Variants in TENM2 observed in about 807,000 individuals in gnomAD.
TENM2 encodes teneurin transmembrane protein 2, also known as teneurin-2.
TENM2 carries 52 observed loss-of-function variants against 245.2 expected under a neutral mutation model. That is an observed-to-expected ratio of 0.21 (90% CI 0.17 to 0.27). The LOEUF (loss-of-function observed/expected upper bound fraction) is 0.27, where lower values mean the gene tolerates loss of function less well. Among genes scored for constraint, TENM2 ranks in the 10% least tolerant of loss-of-function variants. TENM2 has a pLI of 1.00. For synonymous variants in TENM2, 1,363 were observed against 1,438.9 expected, an observed-to-expected ratio of 0.95 and a Z score of 1.19; for missense variants, 3,046 against 3,666.8, an observed-to-expected ratio of 0.83 and a Z score of 4.37.
chr5:167,703,294 G>A (rs964379219), intron 2 of TENM2, among the ~76,000 whole-genome samples: 3 of 152,114 alleles, frequency 2.0e-5, no homozygotes, highest in Admixed American at 1.3e-4. Context: ...AACTTTGGGA[G>A]GTGGAGGTGG....
At chr5:168,146,567 T>A (rs1756102027) in intron 12 of TENM2, among the ~76,000 whole-genome samples, 1 of 152,200 alleles carries the variant, frequency 6.6e-6, no homozygotes, top group Admixed American at 6.5e-5. Context: ...TGGTGCATGT[T>A]TTTAATTTAC....
At chr5:167,519,056 C>A (rs1031175428) in intron 2 of TENM2, among the ~76,000 whole-genome samples, 4 of 152,146 alleles carry the variant, frequency 2.6e-5, no homozygotes, top group Non-Finnish European at 5.9e-5. Context: ...ATCCTTTCCT[C>A]TTTTAGTGCA....
At chr5:167,449,638 G>C (rs1244531577) in intron 2 of TENM2, among the ~76,000 whole-genome samples, 1 of 152,086 alleles carries the variant, frequency 6.6e-6, no homozygotes, top group Non-Finnish European at 1.5e-5. Flanking sequence ...TGTATACTGA[G>C]TGAAAACAGA....
chr5:168,191,149 C>G (rs1317565931), intron 14 of TENM2, among the ~76,000 whole-genome samples: 1 of 152,202 alleles, frequency 6.6e-6, no homozygotes, highest in Non-Finnish European at 1.5e-5. Flanking sequence ...TCATTCTCTC[C>G]AGTTTATTAT....
chr5:167,720,909 C>G (rs1008173157), intron 2 of TENM2, among the ~76,000 whole-genome samples: 3 of 152,190 alleles, frequency 2.0e-5, no homozygotes, highest in African/African-American at 7.2e-5. Flanking sequence ...GGAATGAACT[C>G]TATGCAGAAG....
chr5:167,125,702 T>A, the TENM2 span, among the ~76,000 whole-genome samples: 59 of 152,174 alleles, frequency 3.9e-4, no homozygotes, highest in African/African-American at 1.3e-3. Context: ...ACTGTAATCG[T>A]CCGTATGCAG....
chr5:167,043,292 C>T, the TENM2 span, among the ~76,000 whole-genome samples: 1 of 151,996 alleles, frequency 6.6e-6, no homozygotes, highest in Non-Finnish European at 1.5e-5. Context: ...GGTAGACAGA[C>T]TTGTATAAAG....
chr5:167,828,805 C>A (rs1175628108), intron 2 of TENM2, among the ~76,000 whole-genome samples: 4 of 151,954 alleles, frequency 2.6e-5, no homozygotes, highest in African/African-American at 9.7e-5. Context: ...AAATCTGGGC[C>A]CTTTTACATA....
exon 27 of TENM2, chr5:168,248,277 A>T: frequency 6.2e-7 from 1 of 1,614,060 alleles, no homozygotes; most frequent in South Asian, 1.1e-5. Flanking sequence ...CCATGTGGAA[A>T]AACGTGGGCA....
At chr5:168,092,685 A>T (rs1247688157) in intron 8 of TENM2, among the ~76,000 whole-genome samples, 1 of 152,358 alleles carries the variant, frequency 6.6e-6, no homozygotes, top group African/African-American at 2.4e-5. Flanking sequence ...ATTTGGAACC[A>T]GCTTGAGATG....
intron 5 of TENM2, among the ~76,000 whole-genome samples, chr5:168,043,047 C>G (rs1317952234): frequency 2.0e-5 from 3 of 152,134 alleles, no homozygotes; most frequent in Non-Finnish European, 4.4e-5. Context: ...GAGGGCCTCC[C>G]AAACTCATTT....
chr5:167,250,507 A>G, the TENM2 span, among the ~76,000 whole-genome samples: 2 of 152,186 alleles, frequency 1.3e-5, no homozygotes, highest in Non-Finnish European at 2.9e-5. Flanking sequence ...AATGTAACAT[A>G]ACATATGTGA....
chr5:168,206,665 A>G (rs888325691), intron 19 of TENM2, among the ~76,000 whole-genome samples: 3 of 152,176 alleles, frequency 2.0e-5, no homozygotes, highest in African/African-American at 4.8e-5. Flanking sequence ...TTGCCCATCC[A>G]TATAGATTCC....
chr5:167,071,556 A>G, the TENM2 span, among the ~76,000 whole-genome samples: 37 of 152,330 alleles, frequency 2.4e-4, no homozygotes, highest in Admixed American at 7.8e-4. Flanking sequence ...TTAAAGACAC[A>G]TAATCTTGAT....
At chr5:167,128,553 T>TA in the TENM2 span, among the ~76,000 whole-genome samples, 992 of 132,048 alleles carry the variant, frequency 7.5e-3, 10 homozygotes, top group South Asian at 0.012. Flanking sequence ...AGACTTTCAT[T>TA]AAAAAAAAAA....
chr5:167,869,420 T>G (rs990176092), intron 2 of TENM2, among the ~76,000 whole-genome samples: 6 of 152,188 alleles, frequency 3.9e-5, no homozygotes, highest in African/African-American at 1.4e-4. Context: ...ATTCTTACCT[T>G]TGGGTATGTT....
intron 2 of TENM2, among the ~76,000 whole-genome samples, chr5:167,824,309 A>G (rs1317954001): frequency 6.6e-6 from 1 of 152,124 alleles, no homozygotes; most frequent in Non-Finnish European, 1.5e-5. Context: ...TCCTAGTGTC[A>G]TGTAGAAGAT....
chr5:167,374,040 A>G (rs1221458863), intron 1 of TENM2, among the ~76,000 whole-genome samples: 1 of 152,160 alleles, frequency 6.6e-6, no homozygotes, highest in Non-Finnish European at 1.5e-5. Context: ...GTGTTAGCAA[A>G]GAGAGATTCT....
chr5:167,507,563 G>C (rs957663859), intron 2 of TENM2, among the ~76,000 whole-genome samples: 2 of 152,092 alleles, frequency 1.3e-5, no homozygotes, highest in Non-Finnish European at 2.9e-5. Context: ...ATGAATGTAG[G>C]CTTCACATCA....
Sources: gnomAD v4.1 joint callset for allele counts (sites outside exome capture counted in the v4.1 genomes callset) on GRCh38, gnomAD v4.1.1 for gene constraint, MANE v1.5 for transcripts, NCBI Gene and HGNC (gene_info 2026-07-23, HGNC 2026-07-21) for gene names.